Variants in ZNF469 observed in about 807,000 individuals in gnomAD.
ZNF469 encodes the protein zinc finger protein 469.
In ZNF469, 1 loss-of-function variant was observed where a neutral mutation model predicts 1.0. The ratio of observed to expected loss-of-function variants is 1.00; its 90% CI spans 0.35 to 4.73. ZNF469 has a LOEUF of 4.73. Among genes scored for constraint, ZNF469 ranks in the 30% most tolerant of loss-of-function variants. ZNF469 has a pLI of 0.16. For missense variants in ZNF469, 6,100 were observed against 5,356.3 expected (o/e 1.14, Z -4.33); for synonymous variants, 2,703 against 2,363.4 (o/e 1.14, Z -4.17).
chr16:88,235,573 A>G, the ZNF469 span, among the ~76,000 whole-genome samples: 1 of 152,202 alleles, frequency 6.6e-6, no homozygotes, highest in African/African-American at 2.4e-5. Flanking sequence ...GCGGGACGGG[A>G]ACCAGAACCC....
At chr16:88,151,464 C>T in the ZNF469 span, among the ~76,000 whole-genome samples, 1 of 152,226 alleles carries the variant, frequency 6.6e-6, no homozygotes, top group Non-Finnish European at 1.5e-5. The surrounding 1 kb of genome is among the most constrained non-coding windows in gnomAD (Gnocchi z 5.4). Context: ...TGCTTCCAAC[C>T]AATTTCGCTT....
chr16:88,130,368 G>A, the ZNF469 span, among the ~76,000 whole-genome samples: 476 of 152,230 alleles, frequency 3.1e-3, 3 homozygotes, highest in Middle Eastern at 0.014. Context: ...CACCACGCAG[G>A]CAGAATGGCA....
chr16:88,400,251 C>G (rs955929068), intron 1 of ZNF469, among the ~76,000 whole-genome samples: 4 of 152,224 alleles, frequency 2.6e-5, no homozygotes, highest in Admixed American at 6.5e-5. Flanking sequence ...TCACACGGGA[C>G]CCTTTCTGCC....
the ZNF469 span, among the ~76,000 whole-genome samples, chr16:88,356,183 T>TGG: frequency 5.9e-5 from 9 of 151,998 alleles, no homozygotes; most frequent in African/African-American, 2.2e-4. Context: ...ACACCACTGG[T>TGG]GGGGGCCTCC....
the ZNF469 span, among the ~76,000 whole-genome samples, chr16:88,300,193 A>G: frequency 6.6e-6 from 1 of 152,148 alleles, no homozygotes; most frequent in African/African-American, 2.4e-5. Flanking sequence ...TGATTTCAAC[A>G]AAGTTGATTC....
chr16:88,222,447 C>G, the ZNF469 span, among the ~76,000 whole-genome samples: 17 of 152,324 alleles, frequency 1.1e-4, no homozygotes, highest in Non-Finnish European at 1.5e-5. Flanking sequence ...TGCCATCATA[C>G]CTGGCTAATA....
At chr16:88,292,244 C>T in the ZNF469 span, among the ~76,000 whole-genome samples, 1 of 152,128 alleles carries the variant, frequency 6.6e-6, no homozygotes, top group Non-Finnish European at 1.5e-5. Context: ...CAGCAGGGGC[C>T]TTGACCAGAC....
the ZNF469 span, among the ~76,000 whole-genome samples, chr16:88,128,729 G>C: frequency 6.6e-6 from 1 of 152,254 alleles, no homozygotes. Flanking sequence ...TCCCCAAGCT[G>C]CCTGGGCAAG....
chr16:88,235,577 A>G, the ZNF469 span, among the ~76,000 whole-genome samples: 1 of 152,252 alleles, frequency 6.6e-6, no homozygotes, highest in Non-Finnish European at 1.5e-5. Context: ...GACGGGAACC[A>G]GAACCCAAAA....
the ZNF469 span, among the ~76,000 whole-genome samples, chr16:88,160,474 A>G: frequency 2.0e-5 from 3 of 152,066 alleles, no homozygotes; most frequent in African/African-American, 7.2e-5. Flanking sequence ...CGCACTTTGC[A>G]CTCTGACCTC....
the ZNF469 span, among the ~76,000 whole-genome samples, chr16:88,367,859 A>T: frequency 6.6e-6 from 1 of 152,066 alleles, no homozygotes; most frequent in Non-Finnish European, 1.5e-5. Flanking sequence ...AAACAAAAAC[A>T]TCCCTCTCCA....
the ZNF469 span, among the ~76,000 whole-genome samples, chr16:88,221,728 C>G: frequency 6.6e-6 from 1 of 152,212 alleles, no homozygotes; most frequent in Non-Finnish European, 1.5e-5. Flanking sequence ...TTCCAGCGGC[C>G]AGGAGTCCTA....
At chr16:88,352,860 G>A in the ZNF469 span, among the ~76,000 whole-genome samples, 34 of 152,308 alleles carry the variant, frequency 2.2e-4, no homozygotes, top group African/African-American at 7.5e-4. Flanking sequence ...CCTGACCCCT[G>A]GGCACTGCCC....
rs920742558 is a variant in ZNF469, at chr16:88,428,384, C to A, written c.914C>A (p.Ala305Asp). The change falls in exon 3 of 3, where the codon GCC becomes GAC. Residue 305 changes from alanine (A) to aspartate (D), a missense_variant. Transcript: ENST00000565624. ...HAFTNGPLVF[A>D]FHQPQGAWPE... is the part of the protein sequence containing the mutation. ...TTCACCAATGGGCCACTGGTGTTTG[C>A]CTTCCATCAGCCCCAGGGAGCGTGG... 1.3e-6 allele frequency: 2 copies of A among 1,548,416 alleles called. No homozygotes were observed. The highest frequency in any genetic ancestry group is 1.7e-6 in the Non-Finnish European group (2 of 1,146,878).
the ZNF469 span, among the ~76,000 whole-genome samples, chr16:88,247,376 G>A: frequency 1.5e-3 from 117 of 78,284 alleles, 1 homozygote; most frequent in East Asian, 8.0e-3. Context: ...GAATGAGTGA[G>A]TGAATGAATG....
the ZNF469 span, among the ~76,000 whole-genome samples, chr16:88,172,685 T>A: frequency 6.6e-6 from 1 of 152,204 alleles, no homozygotes; most frequent in Non-Finnish European, 1.5e-5. Flanking sequence ...CAGACAAGGA[T>A]GCTAAACAGC....
chr16:88,435,484 G>T lies in ZNF469; in HGVS notation c.8014G>T (p.Ala2672Ser). The change falls in exon 3 of 3, where the codon GCA becomes TCA. Residue 2672 changes from alanine (A) to serine (S), a missense_variant. Coordinates refer to ENST00000565624, the MANE Select transcript of ZNF469 (RefSeq NM_001367624.2). ...ACCATCCCCTGCAATGGCCAGTTAC[G>T]CAGCCTCTCCGAGCCACTGCCTCTC... ...SRPSPAMASYAASPSHCLSVE... is the reference protein window; with the variant it reads ...SRPSPAMASYSASPSHCLSVE... 6.5e-7 allele frequency: 1 copy of T among 1,549,030 alleles called. No individual in the cohort carries two copies. The highest frequency in any genetic ancestry group is 8.7e-7 in the Non-Finnish European group (1 of 1,146,978).
chr16:88,333,920 CTGTG>C, the ZNF469 span, among the ~76,000 whole-genome samples: 1 of 149,418 alleles, frequency 6.7e-6, no homozygotes, highest in Non-Finnish European at 1.5e-5. Flanking sequence ...CTGTGTGTGT[CTGTG>C]TGTGTCTACA....
chr16:88,166,361 T>C, the ZNF469 span, among the ~76,000 whole-genome samples: 1 of 152,160 alleles, frequency 6.6e-6, no homozygotes, highest in Non-Finnish European at 1.5e-5. This position sits in a 1 kb window ranked among gnomAD's most constrained non-coding sequence, Gnocchi z 4.5. Context: ...CATGATTCAC[T>C]CTAAATGGTT....
Sources: gnomAD v4.1 joint callset for allele counts (sites outside exome capture counted in the v4.1 genomes callset) on GRCh38, gnomAD v4.1.1 for gene constraint, Gnocchi (gnomAD v3.1) non-coding constraint, MANE v1.5 for transcripts, NCBI Gene and HGNC (gene_info 2026-07-23, HGNC 2026-07-21) for gene names.